FKTN: variants seen among roughly 807,000 people sequenced by gnomAD.
The protein encoded by FKTN is ribitol-5-phosphate transferase FKTN.
FKTN carries 47 observed loss-of-function variants against 58.6 expected under a neutral mutation model. The ratio of observed to expected loss-of-function variants is 0.80; its 90% CI spans 0.63 to 1.02. The LOEUF (loss-of-function observed/expected upper bound fraction) is 1.02, where lower values mean the gene tolerates loss of function less well. FKTN is among the 50% of genes least tolerant of loss of function. The pLI, the probability that FKTN is intolerant of heterozygous loss-of-function variation, is 0.00. For missense variants in FKTN, 516 were observed against 537.3 expected, an observed-to-expected ratio of 0.96 and a Z score of 0.39; for synonymous variants, 178 against 191.9, an observed-to-expected ratio of 0.93 and a Z score of 0.60.
chr9:105,579,586 G>C (rs1410301373), intron 3 of FKTN, among the ~76,000 whole-genome samples: 2 of 150,240 alleles, frequency 1.3e-5, no homozygotes, highest in Non-Finnish European at 3.0e-5. Context: ...TTACTTCCAA[G>C]TATGTGGTCA....
Position 105,637,437 on chromosome 9 carries a change from A to G in FKTN, c.*2173A>G, listed in dbSNP as rs894867628. On this transcript the variant is annotated 3_prime_UTR_variant, in exon 11 of 11. Transcript: ENST00000357998. ...CTTCTGGTTTCACAGGCTTCAGCTCATGGGTTCCACCCTAACTTGGGGAAA... is the reference window on the plus strand; with the variant it reads ...CTTCTGGTTTCACAGGCTTCAGCTCGTGGGTTCCACCCTAACTTGGGGAAA... 4 of 985,334 alleles carry G rather than the reference A, an allele frequency of 4.1e-6. No homozygotes were observed. Among genetic ancestry groups the G allele is most frequent in the Non-Finnish European group, 4.8e-6 (4 of 829,954 alleles). The allele number at this position is 985,334 out of a possible 1,614,324, so 61.0% of individuals were successfully genotyped here.
chr9:105,635,416 C>T lies in FKTN; in HGVS notation c.*152C>T, dbSNP rs547076336. ...AGAAAGAGTCATCTGATGTAATTCTCTCACTTAGTACTGAGGAATTTTCAT... is the reference window on the plus strand; with the variant it reads ...AGAAAGAGTCATCTGATGTAATTCTTTCACTTAGTACTGAGGAATTTTCAT... On this transcript the variant is annotated 3_prime_UTR_variant, in exon 11 of 11. Transcript: ENST00000357998. 4 of 1,492,256 alleles carry T rather than the reference C, an allele frequency of 2.7e-6. No homozygotes were observed. In the East Asian group the frequency reaches 9.8e-5, roughly 37 times the overall value. The allele number at this position is 1,492,256 out of a possible 1,614,324, so 92.4% of individuals were successfully genotyped here.
At chr9:105,588,193 C>G (rs887705468) in intron 3 of FKTN, among the ~76,000 whole-genome samples, 1 of 152,108 alleles carries the variant, frequency 6.6e-6, no homozygotes, top group African/African-American at 2.4e-5. Flanking sequence ...TTTCTGGATG[C>G]TTTTTCTTTG....
Position 105,578,607 on chromosome 9 carries a change from T to G in FKTN, c.105+3470T>G, listed in dbSNP as rs1004516105. Among the ~76,000 whole-genome samples, 61 of 151,888 alleles carry G rather than the reference T, an allele frequency of 4.0e-4. 1 individual carries two copies. The highest frequency in any genetic ancestry group is 7.8e-4 in the Non-Finnish European group (53 of 68,006). Reference sequence around the variant, plus strand: ...TTGAGGATTTTTGCATCAATGTTCATCAAGAATATTGGTCTAAAATTCTCT... The same window carrying G: ...TTGAGGATTTTTGCATCAATGTTCAGCAAGAATATTGGTCTAAAATTCTCT... On this transcript the variant is annotated intron_variant, in intron 3 of 10. Coordinates refer to ENST00000357998, the MANE Select transcript of FKTN (RefSeq NM_001079802.2).
chr9:105,638,338 A>G lies in FKTN; in HGVS notation c.*3074A>G. 2.0e-6 allele frequency: 2 copies of G among 985,454 alleles called. No homozygotes were observed. Among genetic ancestry groups the G allele is most frequent in the South Asian group, 9.4e-5 (2 of 21,288 alleles). 61.0% of individuals were successfully genotyped at this position (985,454 alleles called of 1,614,324 possible). ...AGAACCTAAGGCGACAGAGAGGTCA[A>G]GGGGAAGTATTTTCTAGTTCAGAAT... On this transcript the variant is annotated 3_prime_UTR_variant, in exon 11 of 11. Transcript: ENST00000357998.
At chr9:105,605,286 T>C (rs964329208) in intron 6 of FKTN, among the ~76,000 whole-genome samples, 1 of 152,148 alleles carries the variant, frequency 6.6e-6, no homozygotes, top group Non-Finnish European at 1.5e-5. Flanking sequence ...TAAGACAGTA[T>C]ATTGATTTTT....
At position 105,634,166 on chromosome 9, in the gene FKTN, G is replaced by C. The variant is rs544664962; in HGVS notation, c.1173-885G>C. Among the ~76,000 whole-genome samples, 36 of 151,544 alleles carry C rather than the reference G, an allele frequency of 2.4e-4. 1 individual carries two copies. In the South Asian group the frequency reaches 6.7e-3, roughly 28 times the overall value. The stretch of plus-strand genomic sequence containing the variant: ...TTTTTTTTTGAGACAGGGTCTCACT[G>C]TGTCACCCGGGCTGGAGTGCAGTGG... On this transcript the variant is annotated intron_variant, in intron 10 of 10. Transcript: ENST00000357998.
intron 1 of FKTN, among the ~76,000 whole-genome samples, 182 bp from the exon 2 acceptor site, chr9:105,573,473 A>T (rs925992676): frequency 2.0e-5 from 3 of 152,010 alleles, no homozygotes; most frequent in African/African-American, 4.8e-5. Flanking sequence ...ATAAATTTTT[A>T]AAAAATTAGC....
intron 1 of FKTN, among the ~76,000 whole-genome samples, chr9:105,568,969 A>T (rs1243995171): frequency 6.6e-6 from 1 of 152,214 alleles, no homozygotes; most frequent in East Asian, 1.9e-4. Context: ...ATAAAAAAGG[A>T]TGAGTTCATG....
chr9:105,563,724 GGGCAGGGCATAGCCAAACAAAA>G (rs1838796181), intron 1 of FKTN, among the ~76,000 whole-genome samples: 1 of 152,186 alleles, frequency 6.6e-6, no homozygotes, highest in Non-Finnish European at 1.5e-5. Context: ...TCACCTCTGG[GGGCAGGGCATAGCCAAACAAAA>G]GGCAGCAGAA....
intron 3 of FKTN, among the ~76,000 whole-genome samples, chr9:105,586,331 T>C (rs1453847800): frequency 6.6e-6 from 1 of 152,192 alleles, no homozygotes; most frequent in Non-Finnish European, 1.5e-5. Flanking sequence ...ACAAACTCCT[T>C]TAGTGTAGTG....
chr9:105,579,801 A>G (rs1449412258), intron 3 of FKTN, among the ~76,000 whole-genome samples: 2 of 150,624 alleles, frequency 1.3e-5, no homozygotes, highest in African/African-American at 4.9e-5. Context: ...GTGGGAGTCT[A>G]AGTCTCTTTG....
intron 10 of FKTN, among the ~76,000 whole-genome samples, chr9:105,629,984 A>G (rs1181982554): frequency 6.6e-6 from 1 of 152,122 alleles, no homozygotes; most frequent in Non-Finnish European, 1.5e-5. Context: ...ATAGGTGGGA[A>G]TTGAACAATG....
At position 105,604,266 on chromosome 9, in the gene FKTN, G is replaced by A; in HGVS notation, c.421G>A (p.Glu141Lys). 6.2e-7 allele frequency: 1 copy of A among 1,613,194 alleles called. No homozygotes were observed. The highest frequency in any genetic ancestry group is 1.1e-5 in the South Asian group (1 of 91,038). Residue 141 changes from glutamate to lysine, a missense_variant, in exon 6 of 11, where the codon GAG becomes AAG. Physicochemically the swap from Glu to Lys is moderately conservative, Grantham distance 56. Transcript: ENST00000357998. ...ENMGFQCLKI[E>K]SKDPRLDGID... is the part of the protein sequence containing the mutation. ...TATGGGATTTCAGTGCCTAAAGATTGAGAGTAAAGATCCCCGGCTAGACGG... is the reference window on the plus strand; with the variant it reads ...TATGGGATTTCAGTGCCTAAAGATTAAGAGTAAAGATCCCCGGCTAGACGG...
Position 105,586,632 on chromosome 9 carries a change from A to G in FKTN, c.106-9966A>G, listed in dbSNP as rs115408033. Among the ~76,000 whole-genome samples the G allele has an allele frequency of 9.0e-3, 1,376 of 152,348 alleles. 22 individuals are homozygous for G. The highest frequency in any genetic ancestry group is 0.032 in the African/African-American group (1,318 of 41,572). ...GCATCAATAATTTTTGAGTTTGGGC[A>G]CTACATAGTCCTCATGCAATTGTTT... is the stretch of plus-strand genomic sequence containing the variant. On this transcript the variant is annotated intron_variant, in intron 3 of 10. Coordinates refer to ENST00000357998, the MANE Select transcript of FKTN (RefSeq NM_001079802.2).
intron 7 of FKTN, among the ~76,000 whole-genome samples, chr9:105,614,163 C>T (rs1035686299): frequency 6.6e-6 from 1 of 152,100 alleles, no homozygotes; most frequent in Non-Finnish European, 1.5e-5. Flanking sequence ...CCACAGGTAG[C>T]GAAGCAACAC....
At chr9:105,613,407 A>C (rs564834052) in intron 7 of FKTN, among the ~76,000 whole-genome samples, 5 of 152,340 alleles carry the variant, frequency 3.3e-5, no homozygotes, top group Non-Finnish European at 7.3e-5. Flanking sequence ...ATCTGCAAGA[A>C]ATTCTTCTTA....
intron 3 of FKTN, among the ~76,000 whole-genome samples, chr9:105,581,345 G>T (rs1032973213): frequency 1.4e-4 from 21 of 148,214 alleles, no homozygotes; most frequent in African/African-American, 4.8e-4. Context: ...ATGGGTTTTC[G>T]GTGTGGATGT....
intron 2 of FKTN, chr9:105,574,141 A>C (rs139386744): frequency 4.4e-4 from 67 of 152,270 alleles, no homozygotes; most frequent in African/African-American, 1.5e-3. Flanking sequence ...GTCAAGATTG[A>C]AAGAGGAGAG....
Sources: allele counts gnomAD v4.1 joint callset (sites outside exome capture counted in the v4.1 genomes callset), GRCh38; gene constraint gnomAD v4.1.1; transcripts MANE v1.5; gene names NCBI Gene and HGNC (gene_info 2026-07-23, HGNC 2026-07-21).